Variants in RSRC1 observed in about 807,000 individuals in gnomAD.
RSRC1 encodes the protein arginine and serine rich coiled-coil 1.
RSRC1 carries 39 observed loss-of-function variants against 49.1 expected under a neutral mutation model. That is an observed-to-expected ratio of 0.79 (90% confidence interval 0.61 to 1.04). The LOEUF (loss-of-function observed/expected upper bound fraction) is 1.04. Among genes scored for constraint, RSRC1 ranks in the 50% least tolerant of loss-of-function variants. The pLI is 0.00. For synonymous variants in RSRC1, 143 were observed against 130.8 expected, an observed-to-expected ratio of 1.09 and a Z score of -0.63; for missense variants, 388 against 402.4, an observed-to-expected ratio of 0.96 and a Z score of 0.31.
chr3:158,400,594 A>T (rs1343187718), intron 6 of RSRC1, among the ~76,000 whole-genome samples: 1 of 152,148 alleles, frequency 6.6e-6, no homozygotes, highest in East Asian at 1.9e-4. Context: ...GACACTGTGT[A>T]GGCCTAACCT....
intron 6 of RSRC1, among the ~76,000 whole-genome samples, chr3:158,438,565 G>A (rs1297633988): frequency 1.3e-5 from 2 of 152,126 alleles, no homozygotes; most frequent in Non-Finnish European, 2.9e-5. Context: ...ACAAGCAATG[G>A]GGAAAGGATT....
intron 3 of RSRC1, chr3:158,132,042 G>A: frequency 5.0e-6 from 2 of 397,204 alleles, no homozygotes; most frequent in South Asian, 1.8e-5. Flanking sequence ...GGAGTGCAGT[G>A]GTGCAATCTT....
At chr3:158,440,062 A>T (rs752164667) in intron 6 of RSRC1, among the ~76,000 whole-genome samples, 2 of 152,028 alleles carry the variant, frequency 1.3e-5, no homozygotes, top group Non-Finnish European at 2.9e-5. Flanking sequence ...GCAGCAAACT[A>T]CCATGGCACG....
chr3:158,397,256 C>A (rs770310713), intron 6 of RSRC1, among the ~76,000 whole-genome samples: 35 of 152,082 alleles, frequency 2.3e-4, no homozygotes, highest in Non-Finnish European at 5.9e-5. Context: ...ACAAATAACT[C>A]AATGTAGAAA....
intron 6 of RSRC1, among the ~76,000 whole-genome samples, chr3:158,444,014 G>T (rs1024336109): frequency 2.6e-5 from 4 of 152,228 alleles, no homozygotes; most frequent in Non-Finnish European, 5.9e-5. Context: ...TATGGGCCTG[G>T]TTTGTGGCAT....
intron 7 of RSRC1, among the ~76,000 whole-genome samples, chr3:158,522,012 A>G (rs1711703087): frequency 6.6e-6 from 1 of 152,138 alleles, no homozygotes; most frequent in Non-Finnish European, 1.5e-5. Flanking sequence ...CTCTGTTTTT[A>G]TAAAGGGTAG....
intron 5 of RSRC1, among the ~76,000 whole-genome samples, chr3:158,338,872 G>A (rs1730063710): frequency 6.6e-6 from 1 of 152,128 alleles, no homozygotes; most frequent in Non-Finnish European, 1.5e-5. Flanking sequence ...TTCTCTAAAA[G>A]CATTAAGAAT....
At chr3:158,204,769 A>G (rs375048271) in intron 4 of RSRC1, among the ~76,000 whole-genome samples, 5 of 152,168 alleles carry the variant, frequency 3.3e-5, no homozygotes, top group African/African-American at 9.7e-5. Flanking sequence ...TGTGGAAGAA[A>G]GCTATGATTT....
At chr3:158,241,881 TGTA>T (rs1409297151) in intron 4 of RSRC1, among the ~76,000 whole-genome samples, 1 of 151,970 alleles carries the variant, frequency 6.6e-6, no homozygotes, top group African/African-American at 2.4e-5. Context: ...ATTTCTGATG[TGTA>T]GTTTATATGT....
At chr3:158,438,134 G>T (rs1185492399) in intron 6 of RSRC1, among the ~76,000 whole-genome samples, 1 of 152,118 alleles carries the variant, frequency 6.6e-6, no homozygotes, top group Non-Finnish European at 1.5e-5. Context: ...CCTCTTCAAG[G>T]AGAACTACAA....
intron 7 of RSRC1, among the ~76,000 whole-genome samples, chr3:158,522,375 CG>C (rs1171980850): frequency 1.3e-5 from 2 of 152,130 alleles, no homozygotes; most frequent in African/African-American, 4.8e-5. Context: ...GGCACAATCA[CG>C]GCTCACTGCA....
At chr3:158,174,920 C>T (rs1390857664) in intron 3 of RSRC1, among the ~76,000 whole-genome samples, 1 of 152,040 alleles carries the variant, frequency 6.6e-6, no homozygotes, top group Non-Finnish European at 1.5e-5. Flanking sequence ...TGTTTATACT[C>T]ATTTAAATCC....
At chr3:158,139,774 C>G (rs914801229) in intron 3 of RSRC1, among the ~76,000 whole-genome samples, 6 of 152,008 alleles carry the variant, frequency 3.9e-5, no homozygotes, top group Non-Finnish European at 4.4e-5. Flanking sequence ...GCTGAGATGA[C>G]AGGCGTGTGC....
intron 6 of RSRC1, among the ~76,000 whole-genome samples, chr3:158,360,973 C>T (rs569425672): frequency 6.6e-6 from 1 of 152,300 alleles, no homozygotes; most frequent in African/African-American, 2.4e-5. Flanking sequence ...TCTCACTGGG[C>T]CCAGGCTGGC....
At chr3:158,514,667 A>G (rs1335592792) in intron 7 of RSRC1, among the ~76,000 whole-genome samples, 2 of 152,008 alleles carry the variant, frequency 1.3e-5, no homozygotes, top group South Asian at 4.2e-4. Context: ...ATTCCTCGGT[A>G]TCCTTGTTGA....
chr3:158,283,122 T>C (rs759998064), intron 4 of RSRC1, among the ~76,000 whole-genome samples: 16 of 152,248 alleles, frequency 1.1e-4, no homozygotes, highest in Non-Finnish European at 1.9e-4. Flanking sequence ...TTGTATTAAA[T>C]TACGTAGATG....
At chr3:158,118,468 T>TGCGC (rs976438017) in intron 1 of RSRC1, among the ~76,000 whole-genome samples, 8 of 143,586 alleles carry the variant, frequency 5.6e-5, no homozygotes, top group Non-Finnish European at 1.1e-4. Context: ...TGTGTGCGCG[T>TGCGC]GCGCGTGGTT....
intron 6 of RSRC1, among the ~76,000 whole-genome samples, chr3:158,387,496 A>G (rs1733029745): frequency 6.6e-6 from 1 of 152,156 alleles, no homozygotes; most frequent in Non-Finnish European, 1.5e-5. Flanking sequence ...AATTAAGTCA[A>G]CTAGAATGCA....
intron 4 of RSRC1, among the ~76,000 whole-genome samples, chr3:158,259,696 G>A (rs1165397894): frequency 1.3e-5 from 2 of 152,178 alleles, no homozygotes; most frequent in Non-Finnish European, 2.9e-5. Flanking sequence ...GGCAGGTCCA[G>A]AGATGCTGTC....
Sources: allele counts gnomAD v4.1 joint callset (sites outside exome capture counted in the v4.1 genomes callset), GRCh38; gene constraint gnomAD v4.1.1; transcripts MANE v1.5; gene names NCBI Gene and HGNC (gene_info 2026-07-23, HGNC 2026-07-21).